LRRC37A2: variants seen among roughly 807,000 people sequenced by gnomAD.
LRRC37A2 encodes leucine-rich repeat-containing protein 37A2.
A neutral mutation model predicts 68.8 loss-of-function variants in LRRC37A2; 9 were observed. The ratio of observed to expected loss-of-function variants is 0.13; its 90% confidence interval spans 0.08 to 0.23. The LOEUF is 0.23. Ranked by LOEUF, LRRC37A2 falls within the 10% of genes least tolerant of loss-of-function variation. The probability of loss-of-function intolerance (pLI) is 1.00; values close to 1 mark genes in which losing one functional copy is unlikely to be tolerated. For synonymous variants in LRRC37A2, 63 were observed against 367.6 expected (o/e 0.17, Z 9.48); for missense variants, 168 against 950.4 (o/e 0.18, Z 10.82).
chr17:46,855,624 A>G, the LRRC37A2 span, among the ~76,000 whole-genome samples: 1 of 152,202 alleles, frequency 6.6e-6, no homozygotes, highest in African/African-American at 2.4e-5. Flanking sequence ...AACTTCTGTG[A>G]TGTTGTATAA....
At chr17:46,557,162 C>G (rs1357332425), downstream of LRRC37A2, 1 of 561,226 alleles carries the variant, frequency 1.8e-6, no homozygotes, top group Non-Finnish European at 3.1e-6. Context: ...GTTTTAGGAG[C>G]TTTGTGTTAG....
the LRRC37A2 span, among the ~76,000 whole-genome samples, chr17:46,796,211 T>G: frequency 1.4e-4 from 22 of 152,294 alleles, no homozygotes; most frequent in East Asian, 3.1e-3. Flanking sequence ...TCAAAGAGGC[T>G]GCGGGGAGGA....
At chr17:46,613,023 T>C in the LRRC37A2 span, among the ~76,000 whole-genome samples, 1 of 5,508 alleles carries the variant, frequency 1.8e-4, no homozygotes, top group African/African-American at 2.1e-4. Flanking sequence ...ACCCCAACAC[T>C]TTGGGAGACT....
the LRRC37A2 span, among the ~76,000 whole-genome samples, chr17:46,823,768 C>T: frequency 6.2e-5 from 9 of 146,294 alleles, no homozygotes; most frequent in Non-Finnish European, 1.2e-4. Flanking sequence ...AAGCGATTTG[C>T]GGTGAAAGTC....
the LRRC37A2 span, chr17:46,978,467 G>C: frequency 1.6e-6 from 1 of 641,272 alleles, no homozygotes; most frequent in East Asian, 3.1e-5. Flanking sequence ...GGACAGAGCC[G>C]GGCGTCCAAG....
the LRRC37A2 span, among the ~76,000 whole-genome samples, chr17:46,823,561 G>A: frequency 5.3e-5 from 8 of 151,868 alleles, no homozygotes; most frequent in African/African-American, 1.7e-4. Flanking sequence ...TGCCTCCGCC[G>A]CTCAAGTAGC....
chr17:46,943,084 G>A, the LRRC37A2 span, among the ~76,000 whole-genome samples: 1 of 152,176 alleles, frequency 6.6e-6, no homozygotes, highest in African/African-American at 2.4e-5. Context: ...TGCCCAAGGC[G>A]ATTGTAATGC....
chr17:46,936,534 C>T, the LRRC37A2 span: 2 of 985,484 alleles, frequency 2.0e-6, no homozygotes, highest in African/African-American at 3.5e-5. Flanking sequence ...CACCCTGCCT[C>T]CGTCGGGATT....
the LRRC37A2 span, among the ~76,000 whole-genome samples, chr17:46,737,574 T>C: frequency 2.4e-4 from 7 of 28,708 alleles, no homozygotes; most frequent in African/African-American, 5.4e-4. Flanking sequence ...TGTGTGTGCG[T>C]GTGTGTGTGT....
chr17:46,997,450 G>A, the LRRC37A2 span, among the ~76,000 whole-genome samples: 1 of 152,144 alleles, frequency 6.6e-6, no homozygotes, highest in Admixed American at 6.5e-5. Flanking sequence ...TCACAAAAAG[G>A]AAGTCACTAG....
At chr17:46,771,716 C>A in the LRRC37A2 span, among the ~76,000 whole-genome samples, 8 of 142,228 alleles carry the variant, frequency 5.6e-5, no homozygotes, top group Non-Finnish European at 1.1e-4. Context: ...CCCCCGGCCC[C>A]GGCGCCGGGC....
At chr17:46,895,120 A>C in the LRRC37A2 span, among the ~76,000 whole-genome samples, 1,447 of 152,294 alleles carry the variant, frequency 9.5e-3, 3 homozygotes, top group Admixed American at 0.016. Flanking sequence ...AGGTGGCCTT[A>C]GGCCCTCCCA....
chr17:46,757,206 TG>T, the LRRC37A2 span: 2 of 152,268 alleles, frequency 1.3e-5, no homozygotes, highest in Admixed American at 6.5e-5. Context: ...TTCTTTGTTT[TG>T]GGTTTTCTTC....
At chr17:46,978,345 TCC>T in the LRRC37A2 span, 1 of 412,804 alleles carries the variant, frequency 2.4e-6, no homozygotes, top group Non-Finnish European at 4.3e-6. Context: ...AAATTGCATC[TCC>T]ATACCCACTC....
the LRRC37A2 span, chr17:46,726,452 G>A: frequency 1.9e-6 from 2 of 1,067,820 alleles, no homozygotes; most frequent in East Asian, 2.4e-5. Flanking sequence ...GTTTTCCTGT[G>A]CTTTGTTTAG....
At chr17:46,918,545 T>C in the LRRC37A2 span, among the ~76,000 whole-genome samples, 1 of 151,618 alleles carries the variant, frequency 6.6e-6, no homozygotes, top group African/African-American at 2.4e-5. Context: ...TTAAAAGTAA[T>C]TGCAAAACCA....
chr17:46,945,570 T>C, the LRRC37A2 span, among the ~76,000 whole-genome samples: 1 of 152,292 alleles, frequency 6.6e-6, no homozygotes, highest in South Asian at 2.1e-4. Flanking sequence ...GCATCTTTGC[T>C]GGGTGGTAAC....
At chr17:46,858,146 T>A in the LRRC37A2 span, among the ~76,000 whole-genome samples, 8 of 152,212 alleles carry the variant, frequency 5.3e-5, no homozygotes, top group Non-Finnish European at 5.9e-5. Context: ...GCCTGGCTGG[T>A]CTTGAACTCC....
the LRRC37A2 span, among the ~76,000 whole-genome samples, chr17:46,884,863 A>G: frequency 6.6e-6 from 1 of 152,156 alleles, no homozygotes; most frequent in Admixed American, 6.5e-5. Context: ...GGGGAGGACT[A>G]TGGCCTGGCT....
Sources: allele counts gnomAD v4.1 joint callset (sites outside exome capture counted in the v4.1 genomes callset), GRCh38; gene constraint gnomAD v4.1.1; transcripts MANE v1.5; gene names NCBI Gene and HGNC (gene_info 2026-07-23, HGNC 2026-07-21).